Variants in GRID1 observed in about 807,000 individuals in gnomAD.
GRID1 encodes the protein glutamate ionotropic receptor delta type subunit 1.
A neutral mutation model predicts 98.0 loss-of-function variants in GRID1; 28 were observed. The observed-to-expected ratio is 0.29, with a 90% confidence interval of 0.21 to 0.39. The LOEUF (loss-of-function observed/expected upper bound fraction) is 0.39, where lower values mean the gene tolerates loss of function less well. Ranked by LOEUF, GRID1 falls within the 10% of genes least tolerant of loss-of-function variation. GRID1 has a pLI of 1.00. For synonymous variants in GRID1, 553 were observed against 538.5 expected (o/e 1.03, Z -0.37); for missense variants, 1,111 against 1,340.5 (o/e 0.83, Z 2.67).
At chr10:85,695,164 C>A (rs532535222) in intron 12 of GRID1, among the ~76,000 whole-genome samples, 1 of 152,106 alleles carries the variant, frequency 6.6e-6, no homozygotes, top group African/African-American at 2.4e-5. Context: ...TTAGGTTAGT[C>A]CTCAATGAGA....
At chr10:86,250,145 A>C (rs1213110255) in intron 2 of GRID1, among the ~76,000 whole-genome samples, 1 of 152,196 alleles carries the variant, frequency 6.6e-6, no homozygotes, top group Admixed American at 6.5e-5. Context: ...CACATAAAGA[A>C]GAGGCAAAGG....
chr10:86,151,227 T>C (rs1845164148), intron 3 of GRID1, among the ~76,000 whole-genome samples: 1 of 152,064 alleles, frequency 6.6e-6, no homozygotes, highest in Non-Finnish European at 1.5e-5. Flanking sequence ...GCAAACCCCA[T>C]CATGTTTGCA....
intron 8 of GRID1, among the ~76,000 whole-genome samples, chr10:85,776,564 G>A (rs1229355990): frequency 1.3e-5 from 2 of 152,188 alleles, no homozygotes; most frequent in African/African-American, 4.8e-5. Context: ...CACATAGCCA[G>A]CAGCCGAGGG....
chr10:86,193,843 C>A (rs1463680780), intron 3 of GRID1, among the ~76,000 whole-genome samples: 1 of 152,008 alleles, frequency 6.6e-6, no homozygotes, highest in Non-Finnish European at 1.5e-5. Flanking sequence ...CCACCTCCCT[C>A]CCTCCCTTCC....
intron 4 of GRID1, among the ~76,000 whole-genome samples, chr10:86,007,662 T>C (rs141649988): frequency 0.01 from 1,591 of 152,320 alleles, 10 homozygotes; most frequent in South Asian, 0.019. Flanking sequence ...TTCCTGCTTT[T>C]CTTCTGCTCC....
chr10:85,789,488 G>T (rs1406681091), intron 8 of GRID1, among the ~76,000 whole-genome samples: 1 of 152,114 alleles, frequency 6.6e-6, no homozygotes, highest in Non-Finnish European at 1.5e-5. Flanking sequence ...TTGGAAGAAA[G>T]ACCACCTCTT....
chr10:86,086,643 T>G (rs1259339606), intron 4 of GRID1, among the ~76,000 whole-genome samples: 1 of 152,118 alleles, frequency 6.6e-6, no homozygotes. Context: ...AGCATGTGTG[T>G]GCATGTATAT....
chr10:86,045,387 G>A (rs1198635781), intron 4 of GRID1, among the ~76,000 whole-genome samples: 1 of 152,194 alleles, frequency 6.6e-6, no homozygotes, highest in Non-Finnish European at 1.5e-5. Context: ...AGAGCAAAAT[G>A]GACATACAAT....
chr10:86,352,091 A>G (rs1181006703), intron 2 of GRID1, among the ~76,000 whole-genome samples: 3 of 152,228 alleles, frequency 2.0e-5, no homozygotes, highest in African/African-American at 7.2e-5. Context: ...TCACAAGGTC[A>G]GGAGTTAGAG....
intron 8 of GRID1, among the ~76,000 whole-genome samples, chr10:85,764,478 A>G (rs1422399682): frequency 6.6e-6 from 1 of 152,202 alleles, no homozygotes; most frequent in Non-Finnish European, 1.5e-5. Flanking sequence ...GGTCCCTTTA[A>G]GAACCAGTCA....
At chr10:86,215,561 T>A (rs1289252184) in intron 2 of GRID1, among the ~76,000 whole-genome samples, 1 of 152,104 alleles carries the variant, frequency 6.6e-6, no homozygotes, top group Non-Finnish European at 1.5e-5. Flanking sequence ...GAAAGTTAAA[T>A]CAGGACAGTG....
At chr10:85,772,505 A>T (rs79162205) in intron 8 of GRID1, among the ~76,000 whole-genome samples, 1 of 152,024 alleles carries the variant, frequency 6.6e-6, no homozygotes, top group Admixed American at 6.6e-5. Flanking sequence ...AGACACAAAA[A>T]ACCCTTCAAA....
At chr10:86,068,284 G>A (rs1843748573) in intron 4 of GRID1, among the ~76,000 whole-genome samples, 1 of 152,136 alleles carries the variant, frequency 6.6e-6, no homozygotes, top group African/African-American at 2.4e-5. Flanking sequence ...ACTTCCCCAT[G>A]TTTACAAGGG....
chr10:85,705,320 C>T (rs1841502785), intron 12 of GRID1, among the ~76,000 whole-genome samples: 1 of 152,124 alleles, frequency 6.6e-6, no homozygotes, highest in Non-Finnish European at 1.5e-5. Context: ...TCAGAGAATA[C>T]TATAAACACC....
chr10:85,775,409 T>C (rs1371704325), intron 8 of GRID1, among the ~76,000 whole-genome samples: 4 of 152,046 alleles, frequency 2.6e-5, no homozygotes, highest in African/African-American at 9.7e-5. Context: ...TACACCAGCA[T>C]GGCACATGTA....
At chr10:86,228,924 G>C (rs548006075) in intron 2 of GRID1, among the ~76,000 whole-genome samples, 44 of 152,126 alleles carry the variant, frequency 2.9e-4, no homozygotes, top group Non-Finnish European at 5.7e-4. Flanking sequence ...AGCAGAGACT[G>C]AGGGAGAGAA....
chr10:86,034,719 T>C (rs1256757975), intron 4 of GRID1, among the ~76,000 whole-genome samples: 2 of 151,992 alleles, frequency 1.3e-5, no homozygotes, highest in Admixed American at 6.6e-5. Context: ...TGTTTCCTCT[T>C]TGGCCTGCCT....
At chr10:85,831,552 T>C (rs1018415465) in intron 8 of GRID1, among the ~76,000 whole-genome samples, 14 of 152,150 alleles carry the variant, frequency 9.2e-5, no homozygotes, top group Admixed American at 5.9e-4. Context: ...TTTACCTCTA[T>C]GGTGGTCATA....
intron 4 of GRID1, among the ~76,000 whole-genome samples, chr10:86,085,576 C>G (rs902397278): frequency 2.0e-5 from 3 of 152,148 alleles, no homozygotes; most frequent in Non-Finnish European, 4.4e-5. Flanking sequence ...TCCTGCCTGA[C>G]CCCTAGGAAC....
Sources: gnomAD v4.1 joint callset for allele counts (sites outside exome capture counted in the v4.1 genomes callset) on GRCh38, gnomAD v4.1.1 for gene constraint, MANE v1.5 for transcripts, NCBI Gene and HGNC (gene_info 2026-07-23, HGNC 2026-07-21) for gene names.